The following CDH13 variants were observed in gnomAD, a reference collection of about 807,000 sequenced individuals.
CDH13 encodes cadherin 13.
CDH13 carries 24 observed loss-of-function variants against 63.8 expected under a neutral mutation model. That is an observed-to-expected ratio of 0.38 (90% CI 0.27 to 0.53). The LOEUF (loss-of-function observed/expected upper bound fraction) is 0.53, where lower values mean the gene tolerates loss of function less well. Among genes scored for constraint, CDH13 ranks in the 20% least tolerant of loss-of-function variants. The pLI is 0.85. For synonymous variants in CDH13, 503 were observed against 355.3 expected (o/e 1.42, Z -4.67); for missense variants, 1,049 against 903.1 (o/e 1.16, Z -2.07).
At chr16:83,528,373 A>C (rs2075008658) in intron 7 of CDH13, among the ~76,000 whole-genome samples, 1 of 152,150 alleles carries the variant, frequency 6.6e-6, no homozygotes, top group Non-Finnish European at 1.5e-5. Flanking sequence ...TTTTTCCATT[A>C]AGTCTTCTCC....
At chr16:82,926,091 C>T (rs2151287954) in intron 2 of CDH13, 1 of 152,182 alleles carries the variant, frequency 6.6e-6, no homozygotes, top group African/African-American at 2.4e-5. Flanking sequence ...CTTTATCTTG[C>T]ATAAATGGAT....
chr16:83,528,085 C>T (rs1027439705), intron 7 of CDH13, among the ~76,000 whole-genome samples: 3 of 152,184 alleles, frequency 2.0e-5, no homozygotes, highest in African/African-American at 4.8e-5. Context: ...CACAGGCATA[C>T]CTACTTAGCC....
intron 8 of CDH13, among the ~76,000 whole-genome samples, chr16:83,643,287 AAAAAAAAAAAAAAAG>A (rs1911468506): frequency 1.2e-5 from 1 of 83,034 alleles, no homozygotes; most frequent in Non-Finnish European, 2.8e-5. Flanking sequence ...GTATAATAAA[AAAAAAAAAAAAAAAG>A]AAAAAAAAAA....
At chr16:83,413,181 A>T (rs761926139) in intron 6 of CDH13, among the ~76,000 whole-genome samples, 2 of 152,338 alleles carry the variant, frequency 1.3e-5, no homozygotes, top group Admixed American at 6.5e-5. Flanking sequence ...ACGGTGATGC[A>T]GTGAAGATTG....
intron 5 of CDH13, among the ~76,000 whole-genome samples, chr16:83,312,278 C>T (rs1389209898): frequency 6.6e-6 from 1 of 152,104 alleles, no homozygotes; most frequent in Non-Finnish European, 1.5e-5. Flanking sequence ...CTTATGTGAG[C>T]TGCTCAGAGT....
chr16:83,137,439 C>A (rs1043931431), intron 4 of CDH13, among the ~76,000 whole-genome samples: 1 of 152,140 alleles, frequency 6.6e-6, no homozygotes, highest in Non-Finnish European at 1.5e-5. Flanking sequence ...ATTTGATGTG[C>A]GTGTTTGTGC....
intron 1 of CDH13, among the ~76,000 whole-genome samples, chr16:82,781,686 A>G (rs763275974): frequency 6.6e-6 from 1 of 152,132 alleles, no homozygotes; most frequent in African/African-American, 2.4e-5. Context: ...ATATCCACCC[A>G]CTTACCTCCC....
intron 3 of CDH13, among the ~76,000 whole-genome samples, chr16:83,104,450 C>T (rs2034662888): frequency 6.6e-6 from 1 of 152,150 alleles, no homozygotes; most frequent in African/African-American, 2.4e-5. Flanking sequence ...ATGAAAGACA[C>T]TTTGCTGATT....
At position 83,224,148 on chromosome 16, in the gene CDH13, G is replaced by T. The variant is rs9925490; in HGVS notation, c.636+6651G>T. ...AATAATAGTCTTCAATCCCATCCAG[G>T]TTGTTGCAAATGCCATTAATTCACT... On this transcript the variant is annotated intron_variant, in intron 5 of 13. Coordinates refer to ENST00000567109, the MANE Select transcript of CDH13 (RefSeq NM_001257.5). 3.1e-3 allele frequency among the ~76,000 whole-genome samples: 476 copies of T among 152,306 alleles called. 3 individuals are homozygous for T. Among genetic ancestry groups the T allele is most frequent in the South Asian group, 0.012 (60 of 4,828 alleles).
At position 83,443,722 on chromosome 16, in the gene CDH13, AAAAAAAAAAAAAAATATAT is replaced by A. The variant is rs1401085173; in HGVS notation, c.782-42753_782-42735del. ...GTCCCTACGAAAAAAAAAAAAAAAA[AAAAAAAAAAAAAAATATAT>A]ATATATATATATATATATATATGGA... is the stretch of plus-strand genomic sequence containing the variant. On this transcript the variant is annotated intron_variant, in intron 6 of 13. Transcript: ENST00000567109. 1.1e-4 allele frequency among the ~76,000 whole-genome samples: 9 copies of A among 80,094 alleles called. 1 individual carries two copies. The highest frequency in any genetic ancestry group is 4.0e-4 in the African/African-American group (6 of 14,890). The allele number at this position is 80,094 out of a possible 152,430, so 52.5% of individuals were successfully genotyped here. A position where few individuals can be genotyped will look rare whatever the true frequency, so the allele number is the denominator to read the frequency against.
intron 11 of CDH13, among the ~76,000 whole-genome samples, chr16:83,760,629 C>G (rs877920): frequency 0.27 from 41,769 of 152,138 alleles, 5,885 homozygotes; most frequent in Non-Finnish European, 0.32. Context: ...AAAGCTCAAA[C>G]CCAGGCGAAA....
At chr16:83,729,489 C>G (rs1598603848) in intron 10 of CDH13, among the ~76,000 whole-genome samples, 1 of 152,294 alleles carries the variant, frequency 6.6e-6, no homozygotes, top group South Asian at 2.1e-4. Context: ...GTAAATCCCA[C>G]TAGCCAGATA....
At chr16:83,239,272 A>G (rs1218677288) in intron 5 of CDH13, among the ~76,000 whole-genome samples, 2 of 152,204 alleles carry the variant, frequency 1.3e-5, no homozygotes, top group Non-Finnish European at 2.9e-5. Flanking sequence ...TGGAAATAAA[A>G]AAGATGAATG....
chr16:83,407,004 C>T (rs1457977608), intron 6 of CDH13, among the ~76,000 whole-genome samples: 3 of 152,180 alleles, frequency 2.0e-5, no homozygotes, highest in Non-Finnish European at 4.4e-5. Context: ...ACACATACAT[C>T]AAATGCCTGA....
chr16:83,031,885 C>T (rs556704424), intron 2 of CDH13, 125 bp from the exon 3 acceptor site: 76 of 737,606 alleles, frequency 1.0e-4, no homozygotes, highest in South Asian at 8.1e-4. Context: ...TGGGATAAAA[C>T]GTAACATTTG....
chr16:83,608,261 C>T (rs1344827880), intron 8 of CDH13, among the ~76,000 whole-genome samples: 1 of 152,148 alleles, frequency 6.6e-6, no homozygotes, highest in Non-Finnish European at 1.5e-5. Context: ...TCCTGTCCTC[C>T]AGCTGGAAAA....
intron 10 of CDH13, among the ~76,000 whole-genome samples, chr16:83,720,210 T>C (rs72797298): frequency 0.28 from 42,573 of 151,982 alleles, 6,467 homozygotes; most frequent in Middle Eastern, 0.35. Flanking sequence ...CACACACTTG[T>C]GCATGTACAC....
At chr16:82,997,573 T>A (rs72792159) in intron 2 of CDH13, among the ~76,000 whole-genome samples, 19,223 of 152,176 alleles carry the variant, frequency 0.13, 1,586 homozygotes, top group African/African-American at 0.23. Flanking sequence ...TCCCACCCAG[T>A]TGTCTCAGCT....
chr16:82,868,861 G>A (rs1259854231), intron 2 of CDH13, among the ~76,000 whole-genome samples: 1 of 152,178 alleles, frequency 6.6e-6, no homozygotes, highest in Non-Finnish European at 1.5e-5. Context: ...AGCTGCCTGG[G>A]TTCAAATCTA....
Sources: allele counts gnomAD v4.1 joint callset (sites outside exome capture counted in the v4.1 genomes callset), GRCh38; gene constraint gnomAD v4.1.1; transcripts MANE v1.5; gene names NCBI Gene and HGNC (gene_info 2026-07-23, HGNC 2026-07-21).